The following FAM193B variants were observed in gnomAD, a reference collection of about 807,000 sequenced individuals.
FAM193B encodes family with sequence similarity 193 member B, also known as protein FAM193B.
In FAM193B, 27 loss-of-function variants were observed where a neutral mutation model predicts 70.7. The ratio of observed to expected loss-of-function variants is 0.38; its 90% CI spans 0.28 to 0.53. The LOEUF (loss-of-function observed/expected upper bound fraction) is 0.53. Among genes scored for constraint, FAM193B ranks in the 20% least tolerant of loss-of-function variants. The probability of loss-of-function intolerance (pLI) is 0.81; values close to 1 mark genes in which losing one functional copy is unlikely to be tolerated. For synonymous variants in FAM193B, 448 were observed against 436.0 expected (o/e 1.03, Z -0.34); for missense variants, 1,022 against 1,072.5 (o/e 0.95, Z 0.66).
At chr5:177,548,692 A>G (rs335423) in intron 1 of FAM193B, among the ~76,000 whole-genome samples, 125,675 of 152,176 alleles carry the variant, frequency 0.83, 54,156 homozygotes, top group Non-Finnish European at 0.94. Flanking sequence ...AGGGGATCTG[A>G]TGATTATTAG....
chr5:177,538,001 G>C lies in FAM193B; in HGVS notation c.560C>G (p.Pro187Arg). The change falls in exon 3 of 9, where the codon CCT (proline) becomes CGT (arginine). Residue 187 changes from proline to arginine, a missense_variant. Physicochemically the swap from Pro to Arg is moderately radical, Grantham distance 103 (BLOSUM62 -2). Transcript: ENST00000514747. This position sits in a 1 kb window ranked among gnomAD's most constrained non-coding sequence, Gnocchi z 4.1. ...AGGATCCCAGTCTCCCGAGTTCCCA[G>C]GGCAGGAAGAGGAGGACGAGGATGA... ...SSSSSSSSSC[P>R]GNSGDWDPSS... is the part of the protein sequence containing the mutation. 1 of 1,558,410 alleles carries C rather than the reference G, an allele frequency of 6.4e-7. No homozygotes were observed. Among genetic ancestry groups the C allele is most frequent in the Non-Finnish European group, 8.7e-7 (1 of 1,150,786 alleles).
chr5:177,545,438 G>A (rs1046567232), intron 1 of FAM193B, among the ~76,000 whole-genome samples: 69 of 152,254 alleles, frequency 4.5e-4, no homozygotes, highest in African/African-American at 1.6e-3. Flanking sequence ...ATAAATTAGT[G>A]ACAAAATATT....
At chr5:177,547,233 A>G (rs188117592) in intron 1 of FAM193B, 1 of 151,920 alleles carries the variant, frequency 6.6e-6, no homozygotes, top group East Asian at 1.9e-4. Context: ...TCTGCCCTGG[A>G]AGAAATGACA....
chr5:177,531,539 G>A, intron 5 of FAM193B: 2 of 1,277,566 alleles, frequency 1.6e-6, no homozygotes, highest in Non-Finnish European at 2.1e-6. Flanking sequence ...TGGGGGGGAG[G>A]TGCTGACATT....
chr5:177,531,074 T>G (rs1763369292), intron 5 of FAM193B, among the ~76,000 whole-genome samples: 1 of 152,184 alleles, frequency 6.6e-6, no homozygotes, highest in African/African-American at 2.4e-5. Flanking sequence ...AAGCAACTTC[T>G]CAGGCCATGA....
Position 177,553,769 on chromosome 5 carries a change from G to A in FAM193B, c.210+480C>T, listed in dbSNP as rs778066178. On this transcript the variant is annotated intron_variant, in intron 1 of 8. Coordinates refer to ENST00000514747, the MANE Select transcript of FAM193B (RefSeq NM_001190946.3). ...TGGGTATGGCGAGGAGGCGCCAGGA[G>A]ACACAGCTGCTGAGGGGGCCGCGGC... 2.4e-5 allele frequency: 31 copies of A among 1,287,672 alleles called. No individual in the cohort carries two copies. The South Asian group carries it at 3.1e-4, about 13-fold the overall frequency. The allele number at this position is 1,287,672 out of a possible 1,614,324, so 79.8% of individuals were successfully genotyped here.
Position 177,525,054 on chromosome 5 carries a change from T to G in FAM193B, c.1427A>C (p.Gln476Pro). The change falls in exon 6 of 9, where the codon CAG (glutamine) becomes CCG (proline). Residue 476 changes from glutamine (Q) to proline (P), a missense_variant. Gln to Pro is a moderately conservative substitution (Grantham distance 76, BLOSUM62 -1). Transcript: ENST00000514747. Reference sequence around the variant, plus strand: ...GTCTTTGACAGTGTTTTTGATCTCCTGCAGACGGCTGCTCAGGAAGCTGTT... The same window carrying G: ...GTCTTTGACAGTGTTTTTGATCTCCGGCAGACGGCTGCTCAGGAAGCTGTT... ...RVNSFLSSRL[Q>P]EIKNTVKDSI... 6.3e-7 allele frequency: 1 copy of G among 1,596,740 alleles called. No homozygotes were observed. The highest frequency in any genetic ancestry group is 8.5e-7 in the Non-Finnish European group (1 of 1,172,088).
chr5:177,525,815 C>T (rs1240322139), intron 5 of FAM193B, among the ~76,000 whole-genome samples: 1 of 152,266 alleles, frequency 6.6e-6, no homozygotes, highest in Admixed American at 6.5e-5. Flanking sequence ...GAGAGCTGCT[C>T]CTTTGCCCAG....
Position 177,554,491 on chromosome 5 carries a change from G to A in FAM193B, c.-33C>T, listed in dbSNP as rs1766799802. On this transcript the variant is annotated 5_prime_UTR_variant, in exon 1 of 9. Transcript: ENST00000514747. ...CTCGCGCCGCTCCCTCGCTCCACAC[G>A]CCGCCGCCGCCGCCGCCGCCGCCGC... is the stretch of plus-strand genomic sequence containing the variant. The A allele has an allele frequency of 4.6e-6, 3 of 654,690 alleles. No homozygotes were observed. Among genetic ancestry groups the A allele is most frequent in the Non-Finnish European group, 5.4e-6 (3 of 550,950 alleles). The allele number at this position is 654,690 out of a possible 1,614,324, so 40.6% of individuals were successfully genotyped here. A position where few individuals can be genotyped will look rare whatever the true frequency, so the allele number is the denominator to read the frequency against.
intron 1 of FAM193B, chr5:177,552,066 G>A: frequency 6.1e-6 from 6 of 985,260 alleles, no homozygotes; most frequent in Non-Finnish European, 7.2e-6. Context: ...CTTTTCTTTT[G>A]TCTGACACCT....
chr5:177,524,255 C>G lies in FAM193B; in HGVS notation c.2226G>C (p.Gln742His). 2 of 1,564,476 alleles carry G rather than the reference C, an allele frequency of 1.3e-6. No individual in the cohort carries two copies. The highest frequency in any genetic ancestry group is 1.7e-6 in the Non-Finnish European group (2 of 1,156,220). The change falls in exon 6 of 9, where the codon CAG becomes CAC. Residue 742 changes from glutamine to histidine, a missense_variant. Transcript: ENST00000514747. The part of the protein sequence containing the change: ...SVQPSGPARP[Q>H]SLPQGKGRSR... The stretch of plus-strand genomic sequence containing the variant: ...TGCGGCCCTTGCCCTGGGGCAAGCT[C>G]TGTGGCCTTGCTGGGCCTGAGGGCT...
At chr5:177,553,268 G>A (rs1235640968) in intron 1 of FAM193B, 1 of 987,166 alleles carries the variant, frequency 1.0e-6, no homozygotes, top group Admixed American at 6.1e-5. Context: ...AGTGTCTGCA[G>A]AGCCAAACGC....
chr5:177,550,171 A>G (rs951142763), intron 1 of FAM193B, among the ~76,000 whole-genome samples: 1 of 152,136 alleles, frequency 6.6e-6, no homozygotes, highest in Non-Finnish European at 1.5e-5. Flanking sequence ...AAAAATTAAA[A>G]TCCTAAGTGG....
chr5:177,521,269 G>A (rs920819352), intron 8 of FAM193B, among the ~76,000 whole-genome samples: 2 of 152,184 alleles, frequency 1.3e-5, no homozygotes, highest in African/African-American at 2.4e-5. Context: ...AGGGTTCCAG[G>A]CCCAGTGCCT....
chr5:177,520,914 A>G (rs971131746), intron 8 of FAM193B, among the ~76,000 whole-genome samples: 7 of 152,228 alleles, frequency 4.6e-5, no homozygotes, highest in African/African-American at 1.7e-4. Flanking sequence ...CTGGGGCAGC[A>G]CAAGGGTCAC....
intron 7 of FAM193B, among the ~76,000 whole-genome samples, chr5:177,523,539 C>T (rs1762099140): frequency 6.6e-6 from 1 of 152,214 alleles, no homozygotes; most frequent in South Asian, 2.1e-4. Context: ...CCTGGGAAGG[C>T]CTCCTGGCCA....
intron 1 of FAM193B, among the ~76,000 whole-genome samples, chr5:177,553,010 C>G (rs1423514034): frequency 6.6e-6 from 1 of 152,154 alleles, no homozygotes; most frequent in Non-Finnish European, 1.5e-5. Flanking sequence ...CAGTCCAGGG[C>G]AGGCAACAGA....
At chr5:177,523,361 T>G (rs2127446548) in intron 7 of FAM193B, 1 of 246,428 alleles carries the variant, frequency 4.1e-6, no homozygotes, top group South Asian at 3.7e-5. Context: ...TTTTGTGTTT[T>G]GTTTTTTTTC....
At chr5:177,530,806 G>C (rs1581870573) in intron 5 of FAM193B, among the ~76,000 whole-genome samples, 1 of 152,286 alleles carries the variant, frequency 6.6e-6, no homozygotes, top group East Asian at 1.9e-4. Flanking sequence ...CTGCTGCCAG[G>C]AGGGCCCTCC....
Sources: allele counts gnomAD v4.1 joint callset (sites outside exome capture counted in the v4.1 genomes callset), GRCh38; gene constraint gnomAD v4.1.1; non-coding constraint Gnocchi (gnomAD v3.1); transcripts MANE v1.5; gene names NCBI Gene and HGNC (gene_info 2026-07-23, HGNC 2026-07-21).